The following DPYS variants were observed in gnomAD, a reference collection of about 807,000 sequenced individuals.
The protein encoded by DPYS is dihydropyrimidine amidohydrolase.
A neutral mutation model predicts 50.3 loss-of-function variants in DPYS; 39 were observed. The ratio of observed to expected loss-of-function variants is 0.78; its 90% confidence interval spans 0.60 to 1.01. The LOEUF (loss-of-function observed/expected upper bound fraction) is 1.01, where lower values mean the gene tolerates loss of function less well. Among genes scored for constraint, DPYS ranks in the 50% least tolerant of loss-of-function variants. DPYS has a pLI of 0.00. For missense variants in DPYS, 659 were observed against 680.9 expected (o/e 0.97, Z 0.36); for synonymous variants, 245 against 250.7 (o/e 0.98, Z 0.22).
chr8:104,455,053 A>T (rs1408924143), intron 1 of DPYS, among the ~76,000 whole-genome samples: 1 of 152,216 alleles, frequency 6.6e-6, no homozygotes, highest in Non-Finnish European at 1.5e-5. Flanking sequence ...TGACGGGCTG[A>T]TGGGTGCAGC....
At chr8:104,419,942 A>G (rs1467222185) in intron 7 of DPYS, 1 of 152,272 alleles carries the variant, frequency 6.6e-6, no homozygotes, top group Admixed American at 6.5e-5. Flanking sequence ...AATGTAAGAT[A>G]ATAATAGTGG....
intron 1 of DPYS, 87 bp from the exon 2 acceptor site, chr8:104,451,491 A>G: frequency 6.4e-7 from 1 of 1,552,866 alleles, no homozygotes; most frequent in Non-Finnish European, 8.8e-7. Context: ...ATTTGTAAGC[A>G]CTTGGGCAAA....
Position 104,392,897 on chromosome 8 carries a change from C to T in DPYS, c.1330G>A (p.Gly444Ser), listed in dbSNP as rs757526378. Residue 444 changes from glycine (G) to serine (S), a missense_variant, in exon 8 of 10, where the codon GGC (glycine) becomes AGC (serine). Coordinates refer to ENST00000351513, the MANE Select transcript of DPYS (RefSeq NM_001385.3). Reference sequence around the variant, plus strand: ...ACTCCGGCTTCATATACCACTTTGCCTCTTGAAATAGTCACAAGGGGCACC... The same window carrying T: ...ACTCCGGCTTCATATACCACTTTGCTTCTTGAAATAGTCACAAGGGGCACC... ...HGVPLVTISR[G>S]KVVYEAGVFS... is the part of the protein sequence containing the mutation. 17 of 1,614,214 alleles carry T rather than the reference C, an allele frequency of 1.1e-5. No individual in the cohort carries two copies. Among genetic ancestry groups the T allele is most frequent in the Non-Finnish European group, 1.4e-5 (17 of 1,180,036 alleles).
chr8:104,383,257 G>C (rs1347907843), intron 8 of DPYS, among the ~76,000 whole-genome samples: 1 of 152,176 alleles, frequency 6.6e-6, no homozygotes, highest in African/African-American at 2.4e-5. Flanking sequence ...TTTCATTTTT[G>C]TGTAATTATC....
At chr8:104,415,840 G>A (rs1372930553) in intron 7 of DPYS, among the ~76,000 whole-genome samples, 3 of 152,080 alleles carry the variant, frequency 2.0e-5, no homozygotes, top group African/African-American at 7.2e-5. Flanking sequence ...GGTCCTGTCT[G>A]AATTAAGTCA....
intron 4 of DPYS, among the ~76,000 whole-genome samples, chr8:104,443,553 G>A (rs906108171): frequency 5.9e-5 from 9 of 152,114 alleles, no homozygotes; most frequent in East Asian, 3.9e-4. Flanking sequence ...TCAGGTAGTG[G>A]GAAGGGTAGT....
At chr8:104,448,984 T>A (rs1458929573) in intron 2 of DPYS, among the ~76,000 whole-genome samples, 1 of 152,198 alleles carries the variant, frequency 6.6e-6, no homozygotes, top group Admixed American at 6.6e-5. Context: ...GCTTGTCCAC[T>A]GCTGTATCCT....
At position 104,450,147 on chromosome 8, in the gene DPYS, A is replaced by AAGGAAGGG. The variant is rs1554700351; in HGVS notation, c.423+1091_423+1098dup. Among the ~76,000 whole-genome samples, 10 of 68,090 alleles carry AAGGAAGGG rather than the reference A, an allele frequency of 1.5e-4. No homozygotes were observed. The East Asian group carries it at 2.2e-3, about 15-fold the overall frequency. 44.7% of individuals were successfully genotyped at this position (68,090 alleles called of 152,430 possible). ...AGGGAGGGAAGAGAAGAAAAGAAAG[A>AAGGAAGGG]AGGAAGGGAGGAAGGGAGGGAGGGA... On this transcript the variant is annotated intron_variant, in intron 2 of 9. Coordinates refer to ENST00000351513, the MANE Select transcript of DPYS (RefSeq NM_001385.3).
At chr8:104,425,776 A>G (rs754080380) in intron 6 of DPYS, among the ~76,000 whole-genome samples, 1 of 152,206 alleles carries the variant, frequency 6.6e-6, no homozygotes, top group African/African-American at 2.4e-5. Context: ...ATAAAATTGG[A>G]AAGTGTTAGG....
chr8:104,460,583 A>G (rs547658062), intron 1 of DPYS, among the ~76,000 whole-genome samples: 29 of 152,296 alleles, frequency 1.9e-4, no homozygotes, highest in Non-Finnish European at 4.0e-4. Flanking sequence ...CATTGAAAAT[A>G]CCCAGGCCAG....
intron 7 of DPYS, among the ~76,000 whole-genome samples, chr8:104,414,797 A>G (rs1185903232): frequency 6.6e-6 from 1 of 152,196 alleles, no homozygotes; most frequent in East Asian, 1.9e-4. Flanking sequence ...CCATAATTTT[A>G]AAATAACTGG....
intron 1 of DPYS, among the ~76,000 whole-genome samples, chr8:104,457,107 A>G (rs1813951825): frequency 6.6e-6 from 1 of 152,222 alleles, no homozygotes; most frequent in African/African-American, 2.4e-5. Flanking sequence ...GCACAGTAAG[A>G]GACTAACAGC....
rs148105469 is a variant in DPYS at position 104,406,794 on chromosome 8, C to T, written c.1236-13803G>A. Reference sequence around the variant, plus strand: ...GGATGTGTATGTGTATATCTATGCACGTATATATGCACACATATGCATATG... The same window carrying T: ...GGATGTGTATGTGTATATCTATGCATGTATATATGCACACATATGCATATG... On this transcript the variant is annotated intron_variant, in intron 7 of 9. Transcript: ENST00000351513. Among the ~76,000 whole-genome samples, 310 of 152,234 alleles carry T rather than the reference C, an allele frequency of 2.0e-3. 1 individual carries two copies. Among genetic ancestry groups the T allele is most frequent in the African/African-American group, 5.6e-3 (231 of 41,540 alleles).
chr8:104,410,599 C>A (rs1812141480), intron 7 of DPYS, among the ~76,000 whole-genome samples: 1 of 152,164 alleles, frequency 6.6e-6, no homozygotes, highest in South Asian at 2.1e-4. Context: ...CTTCTCTTTA[C>A]AGCCATGTAC....
At chr8:104,428,190 C>T (rs999074134) in intron 5 of DPYS, 69 bp from the exon 6 acceptor site, 39 of 1,595,826 alleles carry the variant, frequency 2.4e-5, no homozygotes, top group Non-Finnish European at 3.0e-5. Flanking sequence ...ACTGCCATAA[C>T]CTTTCCTAAT....
intron 4 of DPYS, among the ~76,000 whole-genome samples, chr8:104,442,143 C>T (rs1383225286): frequency 1.3e-5 from 2 of 152,138 alleles, no homozygotes; most frequent in African/African-American, 4.8e-5. Flanking sequence ...ATAATTTTGA[C>T]TCTTGGGCCA....
At chr8:104,424,885 G>A (rs926733637) in intron 6 of DPYS, among the ~76,000 whole-genome samples, 2 of 149,432 alleles carry the variant, frequency 1.3e-5, no homozygotes, top group African/African-American at 4.9e-5. Flanking sequence ...GGAGTGCAGT[G>A]GTGCGATCTT....
Position 104,416,189 on chromosome 8 carries a change from C to G in DPYS, c.1235+8058G>C, listed in dbSNP as rs118173136. On this transcript the variant is annotated intron_variant, in intron 7 of 9. Transcript: ENST00000351513. ...CTTCACTCTATGGTACTGCTCCCCC[C>G]CAATAGCCCAGATGGCAGGTTTGAT... is the stretch of plus-strand genomic sequence containing the variant. Among the ~76,000 whole-genome samples, 295 of 152,308 alleles carry G rather than the reference C, an allele frequency of 1.9e-3. 1 individual carries two copies. Among genetic ancestry groups the G allele is most frequent in the African/African-American group, 5.8e-3 (242 of 41,566 alleles).
chr8:104,379,784 T>A lies in DPYS; in HGVS notation c.*74A>T, dbSNP rs903913732. On this transcript the variant is annotated 3_prime_UTR_variant, in exon 10 of 10. Transcript: ENST00000351513. ...GAGTTGAATAAGGCCTGCTTCTCCA[T>A]GGGTTGACAATGTTTGGCTGTGAAG... is the stretch of plus-strand genomic sequence containing the variant. 1.1e-5 allele frequency: 5 copies of A among 456,546 alleles called. No homozygotes were observed. The highest frequency in any genetic ancestry group is 9.4e-5 in the Admixed American group (4 of 42,562). 28.3% of individuals were successfully genotyped at this position (456,546 alleles called of 1,614,324 possible). A position where few individuals can be genotyped will look rare whatever the true frequency, so the allele number is the denominator to read the frequency against.
Sources: gnomAD v4.1 joint callset for allele counts (sites outside exome capture counted in the v4.1 genomes callset) on GRCh38, gnomAD v4.1.1 for gene constraint, MANE v1.5 for transcripts, NCBI Gene and HGNC (gene_info 2026-07-23, HGNC 2026-07-21) for gene names.